The following CSDE1 variants were observed in gnomAD, a reference collection of about 807,000 sequenced individuals.
CSDE1 encodes the protein cold shock domain-containing protein E1.
CSDE1 carries 17 observed loss-of-function variants against 89.3 expected under a neutral mutation model. The ratio of observed to expected loss-of-function variants is 0.19; its 90% CI spans 0.13 to 0.29. CSDE1 has a LOEUF of 0.29. Among genes scored for constraint, CSDE1 ranks in the 10% least tolerant of loss-of-function variants. The pLI, the probability that CSDE1 is intolerant of heterozygous loss-of-function variation, is 1.00. For missense variants in CSDE1, 672 were observed against 984.2 expected (o/e 0.68, Z 4.24); for synonymous variants, 322 against 332.8 (o/e 0.97, Z 0.35).
chr1:114,733,633 CATT>C, intron 9 of CSDE1, 96 bp downstream of exon 9: 1 of 1,069,740 alleles, frequency 9.3e-7, no homozygotes. Context: ...TCCACTACCA[CATT>C]ATATTAACTG....
intron 6 of CSDE1, among the ~76,000 whole-genome samples, chr1:114,736,002 C>A (rs765009961): frequency 3.3e-5 from 5 of 152,154 alleles, no homozygotes; most frequent in African/African-American, 4.8e-5. Context: ...AAGTATGATT[C>A]TTTTCCCACC....
chr1:114,739,906 AAAG>A lies in CSDE1; in HGVS notation c.1-19_1-17del, dbSNP rs1162556509. 2.5e-6 allele frequency: 4 copies of A among 1,590,176 alleles called. No individual in the cohort carries two copies. The highest frequency in any genetic ancestry group is 3.5e-6 in the Non-Finnish European group (4 of 1,158,366). On this transcript the variant is annotated splice_polypyrimidine_tract_variant and intron_variant, in intron 2 of 19. Transcript: ENST00000358528. ...CAAAGCTCATCTGTTTTAAAAAGAA[AAAG>A]AATATATACATATCTGTACATTATC... is the stretch of plus-strand genomic sequence containing the variant.
chr1:114,724,566 T>C (rs529669055), intron 15 of CSDE1, among the ~76,000 whole-genome samples: 20 of 152,300 alleles, frequency 1.3e-4, no homozygotes, highest in African/African-American at 4.6e-4. Flanking sequence ...CAAAAATAAG[T>C]TGCAGGTCTT....
At chr1:114,718,766 G>A (rs1659345487) in intron 18 of CSDE1, 21 bp from the exon 19 acceptor site, 2 of 1,611,872 alleles carry the variant, frequency 1.2e-6, no homozygotes, top group South Asian at 1.1e-5. Context: ...GTCAAAAGAT[G>A]AGAAGAAACC....
chr1:114,721,611 G>A (rs1659525305), intron 16 of CSDE1, among the ~76,000 whole-genome samples: 1 of 152,180 alleles, frequency 6.6e-6, no homozygotes, highest in South Asian at 2.1e-4. Flanking sequence ...TTATTGTTGA[G>A]ACAGGGTCTC....
chr1:114,744,325 T>C (rs79560606), intron 2 of CSDE1, among the ~76,000 whole-genome samples: 1,561 of 152,304 alleles, frequency 0.01, 35 homozygotes, highest in South Asian at 0.09. Context: ...TTCACGTTTG[T>C]AATCCTAGCA....
At chr1:114,735,418 TAG>T (rs1330279797) in intron 6 of CSDE1, among the ~76,000 whole-genome samples, 8 of 152,230 alleles carry the variant, frequency 5.3e-5, no homozygotes, top group Non-Finnish European at 1.2e-4. Context: ...GAAAACGCTT[TAG>T]AGTCAGATGG....
intron 2 of CSDE1, among the ~76,000 whole-genome samples, chr1:114,744,743 A>G (rs1363804833): frequency 6.9e-6 from 1 of 145,444 alleles, no homozygotes; most frequent in African/African-American, 2.7e-5. Context: ...CAAAAAGCAC[A>G]AGCTTTTATA....
At chr1:114,736,922 T>G in intron 5 of CSDE1, 67 bp from the exon 6 acceptor site, 1 of 1,255,904 alleles carries the variant, frequency 8.0e-7, no homozygotes, top group Non-Finnish European at 1.1e-6. Context: ...TGTGATTTAC[T>G]TACTTAAAAA....
chr1:114,744,756 C>CA (rs1660925867), intron 2 of CSDE1, among the ~76,000 whole-genome samples: 1 of 136,220 alleles, frequency 7.3e-6, no homozygotes, highest in Non-Finnish European at 1.6e-5. Flanking sequence ...CTTTTATACT[C>CA]AAACCTGGGG....
chr1:114,720,514 C>G, intron 17 of CSDE1, 25 bp downstream of exon 17: 1 of 1,581,082 alleles, frequency 6.3e-7, no homozygotes, highest in Non-Finnish European at 8.6e-7. Flanking sequence ...GGATCAAATT[C>G]AGATACAGAG....
intron 3 of CSDE1, 89 bp from the exon 4 acceptor site, chr1:114,738,161 T>A (rs41274128): frequency 3.0e-6 from 3 of 1,000,516 alleles, no homozygotes; most frequent in Admixed American, 3.5e-5. Context: ...AGCATTTGAA[T>A]TGCCTTAGAC....
intron 2 of CSDE1, 38 bp from the exon 3 acceptor site, chr1:114,739,928 C>T (rs765555204): frequency 1.3e-6 from 2 of 1,507,638 alleles, no homozygotes; most frequent in Admixed American, 1.7e-5. Context: ...CATATCTGTA[C>T]ATTATCTCCA....
rs768915998 is a variant in CSDE1 at position 114,737,999 on chromosome 1, T to C, written c.273A>G (p.Lys91=). ...TTCGTTCTTCAGGGAGGATTTCTTG[T>C]TTTATCTTCACCAGTTTAACAGCAA... ...KPIAVKLVKI[K]QEILPEERMN... The change falls in exon 4 of 20, where the codon AAA becomes AAG. Residue 91 remains lysine, a synonymous_variant. Coordinates refer to ENST00000358528, the MANE Select transcript of CSDE1 (RefSeq NM_001007553.3). 6.2e-7 allele frequency: 1 copy of C among 1,614,014 alleles called. No homozygotes were observed.
At chr1:114,752,126 C>A (rs1346545764) in intron 1 of CSDE1, among the ~76,000 whole-genome samples, 9 of 152,112 alleles carry the variant, frequency 5.9e-5, no homozygotes, top group Non-Finnish European at 1.3e-4. Context: ...ATTAGCCAGG[C>A]ATGGTGGTAT....
In CSDE1 at chr1:114,717,358, G is replaced by C. The variant is rs1359533445; in HGVS notation, c.*811C>G. On this transcript the variant is annotated 3_prime_UTR_variant, in exon 20 of 20. Coordinates refer to ENST00000358528, the MANE Select transcript of CSDE1 (RefSeq NM_001007553.3). ...AATCAGTAAAAGAAACCGGGTCCTA[G>C]AAGCTGCAGTGATCTAAGCAGCAGC... 1.3e-5 allele frequency: 2 copies of C among 152,226 alleles called. No individual in the cohort carries two copies. Among genetic ancestry groups the C allele is most frequent in the East Asian group, 3.9e-4 (2 of 5,184 alleles). 9.4% of individuals were successfully genotyped at this position (152,226 alleles called of 1,614,324 possible). A position where few individuals can be genotyped will look rare whatever the true frequency, so the allele number is the denominator to read the frequency against.
At chr1:114,732,415 A>G (rs530523636) in intron 10 of CSDE1, among the ~76,000 whole-genome samples, 189 bp downstream of exon 10, 53 of 152,284 alleles carry the variant, frequency 3.5e-4, no homozygotes, top group African/African-American at 1.2e-3. Context: ...TTTTTCACAT[A>G]TATTTCCAAG....
At chr1:114,732,867 T>C (rs1650479835) in intron 9 of CSDE1, 51 bp from the exon 10 acceptor site, 2 of 1,467,368 alleles carry the variant, frequency 1.4e-6, no homozygotes, top group South Asian at 2.3e-5. Context: ...TCCTTCCTAG[T>C]TCTAAGTCAA....
At chr1:114,740,737 A>G (rs1660681960) in intron 2 of CSDE1, among the ~76,000 whole-genome samples, 1 of 152,204 alleles carries the variant, frequency 6.6e-6, no homozygotes, top group African/African-American at 2.4e-5. Context: ...TTTGAGTAAA[A>G]CAACAAAAAC....
Sources: allele counts gnomAD v4.1 joint callset (sites outside exome capture counted in the v4.1 genomes callset), GRCh38; gene constraint gnomAD v4.1.1; transcripts MANE v1.5; gene names NCBI Gene and HGNC (gene_info 2026-07-23, HGNC 2026-07-21).